BRI3: variants seen among roughly 807,000 people sequenced by gnomAD.
BRI3 encodes the protein brain protein I3.
BRI3 carries 6 observed loss-of-function variants against 12.8 expected under a neutral mutation model. The ratio of observed to expected loss-of-function variants is 0.47; its 90% CI spans 0.26 to 0.93. BRI3 has a LOEUF of 0.93. Among genes scored for constraint, BRI3 ranks in the 40% least tolerant of loss-of-function variants. The pLI, the probability that BRI3 is intolerant of heterozygous loss-of-function variation, is 0.15. For missense variants in BRI3, 134 were observed against 171.1 expected (o/e 0.78, Z 1.21); for synonymous variants, 91 against 76.1 (o/e 1.20, Z -1.02).
chr7:98,319,883 C>G, the BRI3 span, among the ~76,000 whole-genome samples: 4 of 152,062 alleles, frequency 2.6e-5, no homozygotes, highest in South Asian at 2.1e-4. Flanking sequence ...CAAGTGTTAG[C>G]GAAAACCGGC....
the BRI3 span, among the ~76,000 whole-genome samples, chr7:98,322,631 T>C: frequency 6.6e-6 from 1 of 152,134 alleles, no homozygotes; most frequent in Admixed American, 6.5e-5. Flanking sequence ...AGGTGATCTG[T>C]TCCACCAGAG....
chr7:98,314,196 T>C (rs1358966703), downstream of BRI3, among the ~76,000 whole-genome samples: 1 of 152,064 alleles, frequency 6.6e-6, no homozygotes, highest in Non-Finnish European at 1.5e-5. Flanking sequence ...TTGGCCAGGC[T>C]GGTCTCAAAC....
At chr7:98,298,493 G>C (rs1481157340) in intron 1 of BRI3, among the ~76,000 whole-genome samples, 3 of 152,012 alleles carry the variant, frequency 2.0e-5, no homozygotes, top group African/African-American at 7.2e-5. Flanking sequence ...GGCGCCTGTA[G>C]TCCCAGCTAC....
chr7:98,307,441 A>C (rs1800700517), intron 1 of BRI3: 1 of 1,361,242 alleles, frequency 7.3e-7, no homozygotes, highest in African/African-American at 1.5e-5. Flanking sequence ...AAGAATGTTT[A>C]AACTACTTTC....
At chr7:98,316,346 T>A in the BRI3 span, among the ~76,000 whole-genome samples, 1 of 152,102 alleles carries the variant, frequency 6.6e-6, no homozygotes, top group Non-Finnish European at 1.5e-5. Context: ...AAATATGATT[T>A]AACCTAAGCC....
At chr7:98,288,335 T>TG (rs1173090280) in intron 2 of BRI3, among the ~76,000 whole-genome samples, 3 of 151,948 alleles carry the variant, frequency 2.0e-5, no homozygotes, top group Non-Finnish European at 2.9e-5. Flanking sequence ...CTGTGGCACC[T>TG]GGGGGAGAAG....
downstream of BRI3, among the ~76,000 whole-genome samples, chr7:98,297,882 G>A (rs1298432576): frequency 1.3e-5 from 2 of 152,196 alleles, no homozygotes; most frequent in African/African-American, 2.4e-5. Flanking sequence ...TATTTAAAAT[G>A]TTGGGAGGGA....
downstream of BRI3, chr7:98,312,232 C>T (rs377452409): frequency 2.5e-6 from 4 of 1,613,284 alleles, no homozygotes; most frequent in Non-Finnish European, 3.4e-6. Context: ...TCTCCTGCCA[C>T]CGAGGCAGCT....
chr7:98,291,439 C>T lies in BRI3; in HGVS notation c.*196C>T. On this transcript the variant is annotated 3_prime_UTR_variant, in exon 3 of 3. Coordinates refer to ENST00000297290, the MANE Select transcript of BRI3 (RefSeq NM_015379.5). ...CTCCCGCCCGAGGCTCATGACAACT[C>T]AATAAAGCACTGCTTTTATTTTTTG... The T allele has an allele frequency of 7.2e-7, 1 of 1,397,798 alleles. No homozygotes were observed. The highest frequency in any genetic ancestry group is 1.6e-5 in the South Asian group (1 of 61,220). 86.6% of individuals were successfully genotyped at this position (1,397,798 alleles called of 1,614,324 possible). A position where few individuals can be genotyped will look rare whatever the true frequency, so the allele number is the denominator to read the frequency against.
exon 2 of BRI3, chr7:98,307,743 A>G (rs1483302682): frequency 1.9e-6 from 3 of 1,614,090 alleles, no homozygotes; most frequent in Non-Finnish European, 2.5e-6. Context: ...CTCGGGGATG[A>G]GCAGCGTGAT....
At chr7:98,315,673 C>T in the BRI3 span, 3 of 887,732 alleles carry the variant, frequency 3.4e-6, no homozygotes, top group East Asian at 7.1e-5. Flanking sequence ...CATCAGATAG[C>T]GTGCAGCCTG....
downstream of BRI3, among the ~76,000 whole-genome samples, chr7:98,313,393 C>T (rs565669335): frequency 1.7e-4 from 26 of 152,148 alleles, no homozygotes; most frequent in African/African-American, 6.3e-4. Flanking sequence ...ACTGGAGCTC[C>T]CTGAAAAGGT....
At chr7:98,288,870 G>A (rs774377790) in intron 2 of BRI3, among the ~76,000 whole-genome samples, 59 of 152,052 alleles carry the variant, frequency 3.9e-4, no homozygotes, top group Non-Finnish European at 7.1e-4. Flanking sequence ...GCAGTTGCAG[G>A]CGTGAGCCAC....
At chr7:98,300,875 T>C (rs1327950488) in intron 1 of BRI3, among the ~76,000 whole-genome samples, 1 of 152,052 alleles carries the variant, frequency 6.6e-6, no homozygotes, top group Admixed American at 6.5e-5. Context: ...AGGCCTTGTG[T>C]TTTTGCCGAA....
At chr7:98,290,981 T>C (rs1799921210) in intron 2 of BRI3, 130 bp from the exon 3 acceptor site, 1 of 1,080,668 alleles carries the variant, frequency 9.3e-7, no homozygotes, top group Non-Finnish European at 1.4e-6. Context: ...GGCTGTTTTC[T>C]GTCACTCGCC....
Position 98,282,413 on chromosome 7 carries a change from G to A in BRI3, c.205G>A (p.Ala69Thr). Residue 69 changes from alanine to threonine, a missense_variant, in exon 2 of 3, where the codon GCC (alanine) becomes ACC (threonine). By Grantham distance (58) the Ala-to-Thr change is moderately conservative. Transcript: ENST00000297290. The part of the protein sequence containing the change: ...IHSRTVTRYP[A>T]NSIVVVGGCP... Reference sequence around the variant, plus strand: ...CAGCCGGACCGTCACCCGCTATCCTGCCAACTCTATCGTGGTCGTAGGAGG... The same window carrying A: ...CAGCCGGACCGTCACCCGCTATCCTACCAACTCTATCGTGGTCGTAGGAGG... 3 of 1,614,082 alleles carry A rather than the reference G, an allele frequency of 1.9e-6. No homozygotes were observed. Among genetic ancestry groups the A allele is most frequent in the Non-Finnish European group, 2.5e-6 (3 of 1,179,986 alleles).
downstream of BRI3, chr7:98,315,357 A>T (rs1385658229): frequency 8.7e-7 from 1 of 1,154,604 alleles, no homozygotes; most frequent in East Asian, 3.0e-5. Flanking sequence ...CAGCCTCCCA[A>T]AGTGCTGGGA....
At chr7:98,320,672 C>G in the BRI3 span, among the ~76,000 whole-genome samples, 2 of 152,000 alleles carry the variant, frequency 1.3e-5, no homozygotes, top group African/African-American at 2.4e-5. Context: ...AAAAGTGAAA[C>G]AGAACAGGGA....
upstream of BRI3, chr7:98,304,116 GC>G: frequency 7.1e-7 from 1 of 1,407,012 alleles, no homozygotes; most frequent in Non-Finnish European, 9.4e-7. Flanking sequence ...GCAGAGCAAG[GC>G]GGTCACCACA....
Sources: gnomAD v4.1 joint callset for allele counts (sites outside exome capture counted in the v4.1 genomes callset) on GRCh38, gnomAD v4.1.1 for gene constraint, MANE v1.5 for transcripts, NCBI Gene and HGNC (gene_info 2026-07-23, HGNC 2026-07-21) for gene names.